Variants in CERS6 observed in about 807,000 individuals in gnomAD.
The protein encoded by CERS6 is ceramide synthase 6, also known as LAG1 homolog, ceramide synthase 6.
Under a neutral mutation model 56.8 loss-of-function variants are expected in CERS6, and 26 were observed. That is an observed-to-expected ratio of 0.46 (90% confidence interval 0.34 to 0.63). The LOEUF (loss-of-function observed/expected upper bound fraction) is 0.63, where lower values mean the gene tolerates loss of function less well. Ranked by LOEUF, CERS6 falls within the 30% of genes least tolerant of loss-of-function variation. The pLI, the probability that CERS6 is intolerant of heterozygous loss-of-function variation, is 0.01. For missense variants in CERS6, 415 were observed against 467.5 expected (o/e 0.89, Z 1.04); for synonymous variants, 164 against 173.3 (o/e 0.95, Z 0.42).
intron 8 of CERS6, among the ~76,000 whole-genome samples, chr2:168,752,070 G>C (rs1356738739): frequency 6.6e-6 from 1 of 152,060 alleles, no homozygotes; most frequent in Non-Finnish European, 1.5e-5. Flanking sequence ...GTTAGGGAGG[G>C]AGTACCCAGA....
At chr2:168,757,048 T>C (rs1055122326) in intron 8 of CERS6, among the ~76,000 whole-genome samples, 4 of 152,170 alleles carry the variant, frequency 2.6e-5, no homozygotes, top group African/African-American at 9.7e-5. Context: ...CTTACAGAGA[T>C]GTTGAATGGG....
intron 4 of CERS6, among the ~76,000 whole-genome samples, chr2:168,665,973 TGTG>T (rs1685750310): frequency 6.6e-6 from 1 of 151,764 alleles, no homozygotes; most frequent in Non-Finnish European, 1.5e-5. Flanking sequence ...TGTGTGTGTG[TGTG>T]TGTGTGTGTG....
intron 2 of CERS6, among the ~76,000 whole-genome samples, chr2:168,551,944 C>T (rs1353801235): frequency 6.6e-6 from 1 of 152,160 alleles, no homozygotes; most frequent in Admixed American, 6.5e-5. Flanking sequence ...TTTGTACATA[C>T]CTATGATACT....
intron 8 of CERS6, among the ~76,000 whole-genome samples, chr2:168,722,177 A>G (rs1231280062): frequency 2.2e-4 from 33 of 152,212 alleles, no homozygotes; most frequent in Non-Finnish European, 4.4e-5. Context: ...ATAATAATGT[A>G]TATTATATAT....
chr2:168,645,177 A>AGAGAGAGAGAGAGAGT (rs1685163976), intron 4 of CERS6, among the ~76,000 whole-genome samples: 4 of 128,230 alleles, frequency 3.1e-5, no homozygotes, highest in African/African-American at 1.2e-4. Flanking sequence ...AGAGAGAGAG[A>AGAGAGAGAGAGAGAGT]GAGAGAGAGA....
chr2:168,721,197 G>A (rs1031357702), intron 8 of CERS6, among the ~76,000 whole-genome samples: 7 of 152,070 alleles, frequency 4.6e-5, no homozygotes, highest in Non-Finnish European at 8.8e-5. Context: ...TATATAAATG[G>A]TTTCATGCAA....
chr2:168,712,547 T>C (rs774327421), intron 6 of CERS6, among the ~76,000 whole-genome samples: 32 of 152,250 alleles, frequency 2.1e-4, no homozygotes, highest in Non-Finnish European at 3.8e-4. Context: ...TATATCTGAA[T>C]ACAAATGCTA....
At chr2:168,586,011 T>A (rs895061197) in intron 3 of CERS6, among the ~76,000 whole-genome samples, 1 of 151,952 alleles carries the variant, frequency 6.6e-6, no homozygotes. Context: ...TGAGACAGGG[T>A]CTTACTCTGT....
At chr2:168,689,606 A>G (rs1487658022) in intron 4 of CERS6, among the ~76,000 whole-genome samples, 3 of 152,236 alleles carry the variant, frequency 2.0e-5, no homozygotes, top group Admixed American at 6.5e-5. Context: ...TGTGAGGTCA[A>G]TAATGAACAT....
At chr2:168,649,802 C>T (rs926219849) in intron 4 of CERS6, among the ~76,000 whole-genome samples, 2 of 151,460 alleles carry the variant, frequency 1.3e-5, no homozygotes, top group African/African-American at 2.4e-5. Flanking sequence ...CCCTCCCCTA[C>T]CCCATCACAC....
chr2:168,556,890 C>G (rs780995100), intron 2 of CERS6, among the ~76,000 whole-genome samples: 1 of 149,278 alleles, frequency 6.7e-6, no homozygotes, highest in Non-Finnish European at 1.5e-5. Flanking sequence ...CATGGTGCTT[C>G]ACACCTGTAA....
At chr2:168,608,753 A>G (rs1231110244) in intron 3 of CERS6, among the ~76,000 whole-genome samples, 1 of 152,232 alleles carries the variant, frequency 6.6e-6, no homozygotes, top group Non-Finnish European at 1.5e-5. Context: ...AGTTCTTTAT[A>G]CAAATCCTTT....
chr2:168,642,819 CTT>C (rs1685080242), intron 4 of CERS6, among the ~76,000 whole-genome samples: 1 of 152,148 alleles, frequency 6.6e-6, no homozygotes, highest in Admixed American at 6.5e-5. Flanking sequence ...CTAGAGGACA[CTT>C]AGTGAAAACA....
chr2:168,582,024 C>A (rs949409403), intron 3 of CERS6, among the ~76,000 whole-genome samples: 7 of 152,196 alleles, frequency 4.6e-5, no homozygotes, highest in Admixed American at 2.0e-4. Context: ...CCACCTTGGT[C>A]ATGATCACAG....
rs186744948 is a variant in CERS6 at position 168,586,932 on chromosome 2, A to T, written c.407+25610A>T. ...ACGCTGGTAATTCCAACACTTTGGG[A>T]TGCTGAGGTGGGCGGATTACCTGAG... On this transcript the variant is annotated intron_variant, in intron 3 of 9. Transcript: ENST00000305747. Among the ~76,000 whole-genome samples the T allele has an allele frequency of 5.5e-3, 843 of 152,268 alleles. 5 individuals are homozygous for T. Among genetic ancestry groups the T allele is most frequent in the Non-Finnish European group, 9.7e-3 (658 of 68,020 alleles).
intron 8 of CERS6, among the ~76,000 whole-genome samples, chr2:168,719,460 T>C (rs1574188747): frequency 6.6e-6 from 1 of 152,254 alleles, no homozygotes; most frequent in East Asian, 1.9e-4. Flanking sequence ...GATCAGACTT[T>C]AGTTTTAAGA....
chr2:168,602,603 G>A (rs559617963), intron 3 of CERS6, among the ~76,000 whole-genome samples: 1 of 152,268 alleles, frequency 6.6e-6, no homozygotes, highest in South Asian at 2.1e-4. Flanking sequence ...TTGCTCCCAG[G>A]GAAAGAGAAG....
chr2:168,460,665 C>G (rs1281724906), intron 1 of CERS6, among the ~76,000 whole-genome samples: 1 of 152,196 alleles, frequency 6.6e-6, no homozygotes, highest in Non-Finnish European at 1.5e-5. Flanking sequence ...AGCAATTGTT[C>G]CGTTTCCTTA....
intron 3 of CERS6, among the ~76,000 whole-genome samples, chr2:168,608,751 A>T (rs901276137): frequency 1.3e-5 from 2 of 152,216 alleles, no homozygotes; most frequent in African/African-American, 4.8e-5. Context: ...AGAGTTCTTT[A>T]TACAAATCCT....
Sources: allele counts gnomAD v4.1 joint callset (sites outside exome capture counted in the v4.1 genomes callset), GRCh38; gene constraint gnomAD v4.1.1; transcripts MANE v1.5; gene names NCBI Gene and HGNC (gene_info 2026-07-23, HGNC 2026-07-21).